Variants in COMMD1 observed in about 807,000 individuals in gnomAD.
COMMD1 encodes copper metabolism domain containing 1, also known as COMM domain-containing protein 1.
COMMD1 carries 10 observed loss-of-function variants against 17.2 expected under a neutral mutation model. The observed-to-expected ratio is 0.58, with a 90% CI of 0.36 to 0.99. The LOEUF is 0.99. Among genes scored for constraint, COMMD1 ranks in the 50% least tolerant of loss-of-function variants. The probability of loss-of-function intolerance (pLI) is 0.01; values close to 1 mark genes in which losing one functional copy is unlikely to be tolerated. For synonymous variants in COMMD1, 97 were observed against 91.6 expected (o/e 1.06, Z -0.34); for missense variants, 270 against 231.8 (o/e 1.17, Z -1.07).
At chr2:61,925,080 G>A (rs1184011783) in intron 1 of COMMD1, among the ~76,000 whole-genome samples, 1 of 152,168 alleles carries the variant, frequency 6.6e-6, no homozygotes, top group African/African-American at 2.4e-5. Context: ...TTGATGCATT[G>A]ATGGTGGATG....
chr2:62,003,943 C>A (rs1217842616), intron 2 of COMMD1, among the ~76,000 whole-genome samples: 1 of 152,072 alleles, frequency 6.6e-6, no homozygotes, highest in Non-Finnish European at 1.5e-5. Context: ...GCCTGGCCAA[C>A]ATGGTGAAAC....
At chr2:61,914,676 A>G (rs1258675888) in intron 1 of COMMD1, among the ~76,000 whole-genome samples, 1 of 151,784 alleles carries the variant, frequency 6.6e-6, no homozygotes, top group East Asian at 1.9e-4. Flanking sequence ...CAGCACTTTG[A>G]TTTGTTTTCT....
At chr2:62,035,744 A>T (rs1352188469) in intron 2 of COMMD1, among the ~76,000 whole-genome samples, 3 of 102,486 alleles carry the variant, frequency 2.9e-5, no homozygotes, top group South Asian at 2.9e-4. Flanking sequence ...TGTCTCAATT[A>T]AAAAAAAAAA....
At chr2:61,908,172 A>C (rs75215140) in intron 1 of COMMD1, among the ~76,000 whole-genome samples, 3 of 151,742 alleles carry the variant, frequency 2.0e-5, no homozygotes, top group Non-Finnish European at 4.4e-5. Flanking sequence ...ATTGTTTTAC[A>C]TAGGGCTGAA....
intron 2 of COMMD1, among the ~76,000 whole-genome samples, chr2:62,005,966 C>T (rs923888599): frequency 3.3e-5 from 5 of 151,870 alleles, no homozygotes; most frequent in African/African-American, 1.2e-4. Context: ...CAATGATAGA[C>T]TGGATTAAGA....
At chr2:62,115,089 G>T (rs1315947919) in intron 2 of COMMD1, among the ~76,000 whole-genome samples, 1 of 152,194 alleles carries the variant, frequency 6.6e-6, no homozygotes, top group Non-Finnish European at 1.5e-5. Context: ...CTGTGAAGTT[G>T]CTTTAAATGC....
intron 1 of COMMD1, among the ~76,000 whole-genome samples, chr2:61,964,919 C>T (rs1335685766): frequency 6.6e-6 from 1 of 152,048 alleles, no homozygotes; most frequent in African/African-American, 2.4e-5. Context: ...GCCTGTAGTC[C>T]CAGCTGCTTG....
At chr2:62,096,352 C>T (rs190276821) in intron 2 of COMMD1, among the ~76,000 whole-genome samples, 1 of 152,306 alleles carries the variant, frequency 6.6e-6, no homozygotes, top group Admixed American at 6.5e-5. Flanking sequence ...AATTTCACTA[C>T]ATTTTAGAAT....
chr2:62,135,994 TC>T lies in COMMD1; in HGVS notation c.*57del. 1.1e-6 allele frequency: 1 copy of T among 908,108 alleles called. No homozygotes were observed. The highest frequency in any genetic ancestry group is 1.9e-6 in the Non-Finnish European group (1 of 537,956). The allele number at this position is 908,108 out of a possible 1,614,324, so 56.3% of individuals were successfully genotyped here. On this transcript the variant is annotated 3_prime_UTR_variant, in exon 3 of 3. Coordinates refer to ENST00000311832, the MANE Select transcript of COMMD1 (RefSeq NM_152516.4). ...TTGAAACCAAGGTGTCCATGATCCC[TC>T]CCCACTGACCTTTTCTAAGAAAATT...
chr2:61,922,424 TC>T (rs1286347510), intron 1 of COMMD1, among the ~76,000 whole-genome samples: 2 of 152,132 alleles, frequency 1.3e-5, no homozygotes, highest in Non-Finnish European at 2.9e-5. Flanking sequence ...TTCAAGCAAT[TC>T]TCCTGCCTCA....
chr2:61,993,808 CTT>C (rs1668663192), intron 1 of COMMD1, among the ~76,000 whole-genome samples: 1 of 152,116 alleles, frequency 6.6e-6, no homozygotes, highest in Non-Finnish European at 1.5e-5. Flanking sequence ...ACCAAAATAA[CTT>C]TTGTCACAGA....
chr2:61,967,234 G>GT (rs1397715911), intron 1 of COMMD1, among the ~76,000 whole-genome samples: 1 of 152,150 alleles, frequency 6.6e-6, no homozygotes, highest in Non-Finnish European at 1.5e-5. Context: ...GAAGCAGTCT[G>GT]TTGAGGACCA....
rs540411414 is a variant in COMMD1 at position 62,125,179 on chromosome 2, T to C, written c.463-10652T>C. Among the ~76,000 whole-genome samples the C allele has an allele frequency of 1.6e-3, 246 of 152,354 alleles. 2 individuals carry two copies. The highest frequency in any genetic ancestry group is 4.7e-3 in the African/African-American group (196 of 41,576). On this transcript the variant is annotated intron_variant, in intron 2 of 2. Coordinates refer to ENST00000311832, the MANE Select transcript of COMMD1 (RefSeq NM_152516.4). ...AATACTTAGTCCTTTTCTAGGAGAT[T>C]GTGAGAATATGGATAAACACTTCCT... is the stretch of plus-strand genomic sequence containing the variant.
At chr2:62,047,646 G>A (rs1670417314) in intron 2 of COMMD1, among the ~76,000 whole-genome samples, 1 of 151,908 alleles carries the variant, frequency 6.6e-6, no homozygotes, top group Admixed American at 6.6e-5. Context: ...GGAGAGATGG[G>A]GTTTCACTGT....
At chr2:61,948,150 C>G (rs1038531443) in intron 1 of COMMD1, among the ~76,000 whole-genome samples, 3 of 152,012 alleles carry the variant, frequency 2.0e-5, no homozygotes, top group African/African-American at 7.2e-5. Flanking sequence ...TTTTTGTCAC[C>G]TAGGCTGGAG....
intron 2 of COMMD1, among the ~76,000 whole-genome samples, chr2:62,035,157 C>T (rs1266050259): frequency 6.6e-6 from 1 of 152,164 alleles, no homozygotes; most frequent in Admixed American, 6.5e-5. Flanking sequence ...GTGGAGTAGG[C>T]ATTCATGATA....
At chr2:61,961,611 A>G (rs1243577514) in intron 1 of COMMD1, among the ~76,000 whole-genome samples, 2 of 152,300 alleles carry the variant, frequency 1.3e-5, no homozygotes, top group Non-Finnish European at 1.5e-5. Context: ...ATCTTTTTGT[A>G]TAATTTATTG....
At chr2:62,075,709 CG>C (rs1166354146) in intron 2 of COMMD1, among the ~76,000 whole-genome samples, 1 of 152,212 alleles carries the variant, frequency 6.6e-6, no homozygotes, top group Non-Finnish European at 1.5e-5. Context: ...GCTCCCACCC[CG>C]TTCTGAGAGC....
At chr2:62,068,686 G>A (rs535312990) in intron 2 of COMMD1, among the ~76,000 whole-genome samples, 29 of 146,596 alleles carry the variant, frequency 2.0e-4, no homozygotes, top group South Asian at 6.5e-4. Context: ...GTGCAGTGGC[G>A]CGATCTCGGC....
Sources: gnomAD v4.1 joint callset for allele counts (sites outside exome capture counted in the v4.1 genomes callset) on GRCh38, gnomAD v4.1.1 for gene constraint, MANE v1.5 for transcripts, NCBI Gene and HGNC (gene_info 2026-07-23, HGNC 2026-07-21) for gene names.